FNBP4: variants seen among roughly 807,000 people sequenced by gnomAD.
FNBP4 encodes the protein formin binding protein 4, also known as formin-binding protein 4.
In FNBP4, 34 loss-of-function variants were observed where a neutral mutation model predicts 119.3. The observed-to-expected ratio is 0.28, with a 90% confidence interval of 0.22 to 0.38. The LOEUF (loss-of-function observed/expected upper bound fraction) is 0.38. Ranked by LOEUF, FNBP4 falls within the 10% of genes least tolerant of loss-of-function variation. FNBP4 has a pLI of 1.00. For missense variants in FNBP4, 1,112 were observed against 1,228.9 expected, an observed-to-expected ratio of 0.90 and a Z score of 1.42; for synonymous variants, 462 against 430.6, an observed-to-expected ratio of 1.07 and a Z score of -0.90.
At chr11:47,728,446 T>C (rs2097563667) in intron 12 of FNBP4, among the ~76,000 whole-genome samples, 1 of 152,006 alleles carries the variant, frequency 6.6e-6, no homozygotes, top group Non-Finnish European at 1.5e-5. Context: ...GACAGGGTGA[T>C]ACCATGTTGG....
At chr11:47,739,551 A>C (rs2097578834) in intron 8 of FNBP4, among the ~76,000 whole-genome samples, 1 of 152,182 alleles carries the variant, frequency 6.6e-6, no homozygotes, top group African/African-American at 2.4e-5. Flanking sequence ...GTGAAACTAG[A>C]ATGTACATAA....
At chr11:47,723,997 T>C (rs745648799) in intron 14 of FNBP4, 31 bp downstream of exon 14, 2 of 1,594,580 alleles carry the variant, frequency 1.3e-6, no homozygotes, top group Non-Finnish European at 1.7e-6. Context: ...AACAATACAT[T>C]GAGGAAAAAC....
chr11:47,733,530 T>C (rs917893165), intron 10 of FNBP4, among the ~76,000 whole-genome samples: 1 of 152,102 alleles, frequency 6.6e-6, no homozygotes, highest in African/African-American at 2.4e-5. Context: ...AGATGGAGTT[T>C]CACCATGTTG....
intron 12 of FNBP4, 134 bp downstream of exon 12, chr11:47,731,240 T>G: frequency 1.2e-6 from 1 of 810,652 alleles, no homozygotes; most frequent in Non-Finnish European, 1.8e-6. Context: ...ATGCATTCCT[T>G]GTTTTAGTTC....
At position 47,746,179 on chromosome 11, in the gene FNBP4, A is replaced by C. The variant is rs1050850767; in HGVS notation, c.1122T>G (p.Ile374Met). The change falls in exon 7 of 17, where the codon ATT (isoleucine) becomes ATG (methionine). Residue 374 changes from isoleucine to methionine, a missense_variant. Around this residue, in one of 2 missense-constraint regions of FNBP4, gnomAD observed 826 missense variants for 988.8 expected, o/e 0.84. Transcript: ENST00000263773. ...EATTIVKPQE[I>M]MLDNIEDPSQ... ...AAGGGTCTTCTATATTGTCCAACAT[A>C]ATTTCCTGTGGCTTTACTATTGTTG... The C allele has an allele frequency of 7.4e-6, 12 of 1,614,192 alleles. No homozygotes were observed. The highest frequency in any genetic ancestry group is 1.1e-5 in the South Asian group (1 of 91,086).
At chr11:47,749,312 C>T (rs1171935388) in intron 6 of FNBP4, among the ~76,000 whole-genome samples, 1 of 30,538 alleles carries the variant, frequency 3.3e-5, no homozygotes, top group Non-Finnish European at 7.8e-5. Flanking sequence ...TGGCTTGTGC[C>T]TGTAATCCCA....
At chr11:47,745,628 G>A (rs2097588806) in intron 7 of FNBP4, among the ~76,000 whole-genome samples, 1 of 151,998 alleles carries the variant, frequency 6.6e-6, no homozygotes, top group Non-Finnish European at 1.5e-5. Flanking sequence ...GCCCTTTGAA[G>A]CACATGATCT....
At chr11:47,753,970 C>T (rs960513039) in intron 3 of FNBP4, among the ~76,000 whole-genome samples, 2 of 151,994 alleles carry the variant, frequency 1.3e-5, no homozygotes, top group African/African-American at 4.8e-5. Context: ...TTTGGAAGGC[C>T]GAGGTGGGTT....
chr11:47,723,036 TGGA>T lies in FNBP4; in HGVS notation c.2742_2744del (p.Pro918del), dbSNP rs759110657. Reference sequence around the variant, plus strand: ...GTGGCATTTTGGGAGCTGGTGGTGGTGGAGGAGGAGGAGGAGGAGGTGGTGGTG... The same window carrying T: ...GTGGCATTTTGGGAGCTGGTGGTGGTGGAGGAGGAGGAGGAGGTGGTGGTG... On this transcript the variant is annotated inframe_deletion, in exon 15 of 17. Transcript: ENST00000263773. The T allele has an allele frequency of 3.7e-4, 568 of 1,540,672 alleles. No homozygotes were observed. The highest frequency in any genetic ancestry group is 8.1e-4 in the South Asian group (66 of 81,890).
At chr11:47,734,173 A>T (rs1385448895) in intron 9 of FNBP4, 44 bp from the exon 10 acceptor site, 1 of 1,100,976 alleles carries the variant, frequency 9.1e-7, no homozygotes, top group South Asian at 1.4e-5. Context: ...AATCCGTAAC[A>T]TTTTCTGTAT....
chr11:47,719,959 A>G lies in FNBP4; in HGVS notation c.2933T>C (p.Ile978Thr), dbSNP rs781505921. ...CAGCTGCTGCTGTTTCCACTCTTCA[A>G]TTCGCTTCTGTGCAGTTGATTCCCG... Reference protein sequence around the residue: ...EDRESTAQKRIEEWKQQQLVS... With the variant: ...EDRESTAQKRTEEWKQQQLVS... Residue 978 changes from isoleucine to threonine, a missense_variant, in exon 16 of 17, where the codon ATT (isoleucine) becomes ACT (threonine). Physicochemically the swap from Ile to Thr is moderately conservative, Grantham distance 89. This residue lies in a region of FNBP4 where 826 missense variants were observed against 988.8 expected (regional missense o/e 0.84). Transcript: ENST00000263773. 8.1e-6 allele frequency: 13 copies of G among 1,613,708 alleles called. No individual in the cohort carries two copies. The highest frequency in any genetic ancestry group is 2.2e-5 in the East Asian group (1 of 44,846).
chr11:47,724,792 T>G lies in FNBP4; in HGVS notation c.2009-14A>C. The G allele has an allele frequency of 6.5e-7, 1 of 1,526,890 alleles. No individual in the cohort carries two copies. Among genetic ancestry groups the G allele is most frequent in the Non-Finnish European group, 8.8e-7 (1 of 1,140,426 alleles). The allele number at this position is 1,526,890 out of a possible 1,614,324, so 94.6% of individuals were successfully genotyped here. On this transcript the variant is annotated splice_polypyrimidine_tract_variant and intron_variant, in intron 12 of 16. Transcript: ENST00000263773. The stretch of plus-strand genomic sequence containing the variant: ...TACAAAGAGAACCTATGAAAACAGG[T>G]AAGAGTCAGGGAAAAAGCAAGAAAA...
intron 14 of FNBP4, among the ~76,000 whole-genome samples, chr11:47,723,747 T>G (rs1445610610): frequency 7.2e-5 from 11 of 152,112 alleles, no homozygotes; most frequent in Non-Finnish European, 1.3e-4. Flanking sequence ...GTCTTTTTTG[T>G]AGACAGGCTT....
At chr11:47,765,809 T>C (rs1366674644) in intron 1 of FNBP4, among the ~76,000 whole-genome samples, 1 of 144,730 alleles carries the variant, frequency 6.9e-6, no homozygotes, top group African/African-American at 2.5e-5. Flanking sequence ...GGACATTTCA[T>C]TGACCCAAAT....
chr11:47,717,595 G>T, intron 16 of FNBP4, 83 bp from the exon 17 acceptor site: 1 of 1,060,674 alleles, frequency 9.4e-7, no homozygotes, highest in Non-Finnish European at 1.4e-6. Context: ...AAATCTAACT[G>T]AAATTAAAAA....
Position 47,736,693 on chromosome 11 carries a change from CTT to C in FNBP4, c.1502_1503del (p.Lys501ArgfsTer39). The C allele has an allele frequency of 6.2e-7, 1 of 1,604,984 alleles. No individual in the cohort carries two copies. The highest frequency in any genetic ancestry group is 8.5e-7 in the Non-Finnish European group (1 of 1,173,152). On this transcript the variant is annotated frameshift_variant, in exon 9 of 17. Transcript: ENST00000263773. LOFTEE classifies it high-confidence loss of function. The part of the protein sequence containing the change: ...NSEKIDENSD[K>X]EMEVEESPEK... ...TCTGGAGATTCTTCTACTTCCATCT[CTT>C]TATCTGAATTCTCATCTATTTTTTC...
At chr11:47,729,650 C>T (rs1001574085) in intron 12 of FNBP4, 2 of 959,122 alleles carry the variant, frequency 2.1e-6, no homozygotes, top group Admixed American at 6.2e-5. Context: ...GCTCGGACTA[C>T]AGGCGTGGGC....
intron 16 of FNBP4, 115 bp downstream of exon 16, chr11:47,719,814 A>T: frequency 9.1e-7 from 1 of 1,095,094 alleles, no homozygotes; most frequent in Non-Finnish European, 1.3e-6. Flanking sequence ...ACAAGCTGTG[A>T]TTTTAAGAAT....
intron 12 of FNBP4, 46 bp from the exon 13 acceptor site, chr11:47,724,824 C>T: frequency 6.6e-7 from 1 of 1,517,064 alleles, no homozygotes; most frequent in Non-Finnish European, 8.8e-7. Flanking sequence ...AAAAAAACTC[C>T]CTGGCTTATA....
Sources: allele counts gnomAD v4.1 joint callset (sites outside exome capture counted in the v4.1 genomes callset), GRCh38; gene constraint gnomAD v4.1.1; regional missense constraint gnomAD v4.1.1; transcripts MANE v1.5; gene names NCBI Gene and HGNC (gene_info 2026-07-23, HGNC 2026-07-21).